Variants in CETN3 observed in about 807,000 individuals in gnomAD.
CETN3 encodes centrin 3, also known as centrin-3.
CETN3 carries 17 observed loss-of-function variants against 20.1 expected under a neutral mutation model. The ratio of observed to expected loss-of-function variants is 0.85; its 90% CI spans 0.58 to 1.27. The LOEUF is 1.27. CETN3 is among the 50% of genes most tolerant of loss of function. CETN3 has a pLI of 0.00. For missense variants in CETN3, 169 were observed against 191.2 expected (o/e 0.88, Z 0.69); for synonymous variants, 52 against 59.7 (o/e 0.87, Z 0.59).
chr5:90,402,475 C>T (rs887906790), intron 3 of CETN3, among the ~76,000 whole-genome samples: 9 of 152,212 alleles, frequency 5.9e-5, no homozygotes, highest in Admixed American at 2.0e-4. Context: ...GTTGTTGCTG[C>T]TTTCTAAGCC....
At chr5:90,402,223 T>G (rs755651243) in intron 3 of CETN3, among the ~76,000 whole-genome samples, 4 of 152,220 alleles carry the variant, frequency 2.6e-5, no homozygotes, top group Non-Finnish European at 4.4e-5. Context: ...ATTTTCTGTC[T>G]GCAGTCTCTC....
At chr5:90,398,815 T>G (rs940273615) in intron 4 of CETN3, among the ~76,000 whole-genome samples, 2 of 152,190 alleles carry the variant, frequency 1.3e-5, no homozygotes, top group African/African-American at 4.8e-5. Flanking sequence ...GATTAGAGAC[T>G]TTTATATGCC....
intron 1 of CETN3, among the ~76,000 whole-genome samples, chr5:90,408,843 T>C (rs1317786207): frequency 6.7e-6 from 1 of 148,384 alleles, no homozygotes; most frequent in African/African-American, 2.5e-5. Flanking sequence ...GTAGGTGCAG[T>C]ATAACAAAGC....
At chr5:90,401,929 A>C (rs1315466869) in intron 3 of CETN3, among the ~76,000 whole-genome samples, 1 of 152,142 alleles carries the variant, frequency 6.6e-6, no homozygotes, top group East Asian at 1.9e-4. Context: ...AGCTTACTGC[A>C]GCCTCAACTC....
At chr5:90,394,212 G>T in intron 4 of CETN3, 105 bp from the exon 5 acceptor site, 5 of 689,494 alleles carry the variant, frequency 7.3e-6, no homozygotes, top group Admixed American at 2.8e-5. Flanking sequence ...TTTACATTAT[G>T]CAAAATTATT....
At chr5:90,400,114 T>C (rs889631342) in intron 3 of CETN3, among the ~76,000 whole-genome samples, 1 of 152,138 alleles carries the variant, frequency 6.6e-6, no homozygotes, top group African/African-American at 2.4e-5. Flanking sequence ...ACTAATACCT[T>C]TGTGATTAGA....
intron 3 of CETN3, among the ~76,000 whole-genome samples, chr5:90,401,675 T>C (rs1346974302): frequency 6.6e-6 from 1 of 152,170 alleles, no homozygotes; most frequent in Non-Finnish European, 1.5e-5. Context: ...CAGTTAGACA[T>C]GTTGGACTCC....
chr5:90,407,656 ATCATTTT>A, intron 2 of CETN3, 36 bp downstream of exon 2: 1 of 1,297,102 alleles, frequency 7.7e-7, no homozygotes. Context: ...AAAAATGCAA[ATCATTTT>A]AACACAGAAA....
intron 1 of CETN3, 88 bp from the exon 2 acceptor site, chr5:90,407,922 A>G: frequency 8.7e-7 from 1 of 1,145,056 alleles, no homozygotes; most frequent in Non-Finnish European, 1.2e-6. Context: ...AAATTTCAAA[A>G]AAGAAAGTAC....
At chr5:90,409,267 G>T (rs956992949) in intron 1 of CETN3, among the ~76,000 whole-genome samples, 2 of 152,126 alleles carry the variant, frequency 1.3e-5, no homozygotes, top group African/African-American at 2.4e-5. Context: ...CATTAGCAGC[G>T]GAGCAGCCGA....
At chr5:90,398,031 G>A (rs1209213022) in intron 4 of CETN3, among the ~76,000 whole-genome samples, 1 of 151,902 alleles carries the variant, frequency 6.6e-6, no homozygotes, top group African/African-American at 2.4e-5. Flanking sequence ...CAAAAGATGT[G>A]CTGTGTTTTA....
chr5:90,405,824 A>C, intron 2 of CETN3, 25 bp from the exon 3 acceptor site: 1 of 1,379,000 alleles, frequency 7.3e-7, no homozygotes, highest in Non-Finnish European at 1.0e-6. Flanking sequence ...AGGAAAAGCA[A>C]ATTATAAAGC....
At chr5:90,409,475 AT>A (rs2151884928) in intron 1 of CETN3, among the ~76,000 whole-genome samples, 169 bp downstream of exon 1, 1 of 152,348 alleles carries the variant, frequency 6.6e-6, no homozygotes, top group Admixed American at 6.5e-5. Flanking sequence ...CCTGCAGGGC[AT>A]CAGAGCCCAG....
In CETN3 at chr5:90,393,990, C is replaced by T; in HGVS notation, c.*74G>A. 9.3e-7 allele frequency: 1 copy of T among 1,072,832 alleles called. No individual in the cohort carries two copies. The highest frequency in any genetic ancestry group is 2.5e-5 in the East Asian group (1 of 40,218). The allele number at this position is 1,072,832 out of a possible 1,614,324, so 66.5% of individuals were successfully genotyped here. On this transcript the variant is annotated 3_prime_UTR_variant, in exon 5 of 5. Coordinates refer to ENST00000283122, the MANE Select transcript of CETN3 (RefSeq NM_004365.4). ...ATAAAAGAACTAAGTTGGTTTTTTT[C>T]ACATGGCTCCAGGCACAAAAATAGA...
intron 3 of CETN3, 139 bp downstream of exon 3, chr5:90,405,546 A>G: frequency 1.7e-6 from 1 of 588,546 alleles, no homozygotes; most frequent in Non-Finnish European, 2.9e-6. Context: ...CCAACAAAAC[A>G]AAACTGAGTA....
chr5:90,406,532 A>G (rs1231549571), intron 2 of CETN3, among the ~76,000 whole-genome samples: 1 of 151,854 alleles, frequency 6.6e-6, no homozygotes, highest in Non-Finnish European at 1.5e-5. Context: ...AGAAGAGTTC[A>G]GGAGGAAGAA....
intron 3 of CETN3, among the ~76,000 whole-genome samples, chr5:90,400,054 T>A (rs1190033154): frequency 5.3e-5 from 8 of 152,168 alleles, no homozygotes; most frequent in Admixed American, 3.9e-4. Context: ...AGACAAAAAG[T>A]ACTGCCATCG....
chr5:90,409,314 G>T (rs910696173), intron 1 of CETN3, among the ~76,000 whole-genome samples: 2 of 152,162 alleles, frequency 1.3e-5, no homozygotes, highest in African/African-American at 2.4e-5. Flanking sequence ...TGAATGAAGG[G>T]ATGTCCGCGA....
chr5:90,394,017 T>A lies in CETN3; in HGVS notation c.*47A>T. ...CATGGCTCCAGGCACAAAAATAGAA[T>A]ATAAGATGGTAACTGCAACATTCTT... is the stretch of plus-strand genomic sequence containing the variant. On this transcript the variant is annotated 3_prime_UTR_variant, in exon 5 of 5. Coordinates refer to ENST00000283122, the MANE Select transcript of CETN3 (RefSeq NM_004365.4). 7.6e-7 allele frequency: 1 copy of A among 1,308,218 alleles called. No individual in the cohort carries two copies. The highest frequency in any genetic ancestry group is 1.1e-6 in the Non-Finnish European group (1 of 920,204). The allele number at this position is 1,308,218 out of a possible 1,614,324, so 81.0% of individuals were successfully genotyped here. A position where few individuals can be genotyped will look rare whatever the true frequency, so the allele number is the denominator to read the frequency against.
Sources: allele counts gnomAD v4.1 joint callset (sites outside exome capture counted in the v4.1 genomes callset), GRCh38; gene constraint gnomAD v4.1.1; transcripts MANE v1.5; gene names NCBI Gene and HGNC (gene_info 2026-07-23, HGNC 2026-07-21).